MAPDA: variants seen among roughly 807,000 people sequenced by gnomAD.
MAPDA encodes N6,N6-dimethyl-AMP deaminase.
At chr15:43,343,391 A>AC in the MAPDA span, among the ~76,000 whole-genome samples, 2 of 152,158 alleles carry the variant, frequency 1.3e-5, no homozygotes, top group African/African-American at 4.8e-5. Flanking sequence ...GCTCATCTAG[A>AC]CCACTCCTCC....
At chr15:43,347,700 CTA>C in the MAPDA span, among the ~76,000 whole-genome samples, 2 of 152,170 alleles carry the variant, frequency 1.3e-5, no homozygotes, top group East Asian at 3.8e-4. Context: ...GTACTTCTAG[CTA>C]TTTAATTATT....
chr15:43,336,540 T>G, the MAPDA span: 1,205 of 989,864 alleles, frequency 1.2e-3, no homozygotes, highest in Non-Finnish European at 1.6e-3. Flanking sequence ...AAATATATAT[T>G]TACTATTAGC....
At chr15:43,350,814 C>A in the MAPDA span, 1 of 767,918 alleles carries the variant, frequency 1.3e-6, no homozygotes, top group Non-Finnish European at 2.1e-6. Context: ...GAAAGGTCGA[C>A]TTTGTAAACT....
chr15:43,341,636 C>T, the MAPDA span, among the ~76,000 whole-genome samples: 1 of 147,656 alleles, frequency 6.8e-6, no homozygotes, highest in Non-Finnish European at 1.5e-5. Flanking sequence ...GCCAGAAGTT[C>T]GAGACCAGCC....
the MAPDA span, among the ~76,000 whole-genome samples, chr15:43,346,678 A>G: frequency 5.3e-5 from 8 of 152,322 alleles, no homozygotes; most frequent in East Asian, 9.6e-4. Context: ...TTGAGTAATC[A>G]TGAGAGTTCC....
chr15:43,330,413 G>A, the MAPDA span: 3 of 1,570,550 alleles, frequency 1.9e-6, no homozygotes, highest in South Asian at 1.2e-5. Context: ...CGCGGCCAGG[G>A]AACGCTTGCT....
At chr15:43,335,496 T>C in the MAPDA span, among the ~76,000 whole-genome samples, 5 of 152,244 alleles carry the variant, frequency 3.3e-5, no homozygotes, top group East Asian at 5.8e-4. Flanking sequence ...ATCGCACCAG[T>C]GTACTCCAGC....
chr15:43,336,394 T>A, the MAPDA span, among the ~76,000 whole-genome samples: 2 of 152,150 alleles, frequency 1.3e-5, no homozygotes, highest in Admixed American at 1.3e-4. Context: ...TTTCCCCATG[T>A]CAGGTGTGGG....
At chr15:43,336,666 A>G in the MAPDA span, 2 of 1,559,540 alleles carry the variant, frequency 1.3e-6, no homozygotes, top group South Asian at 1.3e-5. Flanking sequence ...GCTTACTAGT[A>G]GCCCTGAAGA....
At chr15:43,340,425 G>A in the MAPDA span, 8 of 1,306,462 alleles carry the variant, frequency 6.1e-6, no homozygotes, top group South Asian at 8.7e-5. Context: ...GTTTGTGAGT[G>A]GGAATATGAA....
chr15:43,330,504 C>T, the MAPDA span: 1 of 1,512,430 alleles, frequency 6.6e-7, no homozygotes, highest in South Asian at 1.3e-5. Flanking sequence ...AGAAGAGACT[C>T]AGGAATGGCA....
the MAPDA span, among the ~76,000 whole-genome samples, chr15:43,350,011 C>T: frequency 6.6e-6 from 1 of 152,118 alleles, no homozygotes; most frequent in Non-Finnish European, 1.5e-5. Context: ...AGGTATTTTA[C>T]TCTGGCTGGG....
the MAPDA span, chr15:43,332,128 G>A: frequency 6.6e-6 from 1 of 152,296 alleles, no homozygotes; most frequent in African/African-American, 2.4e-5. Context: ...CATAAGCTCA[G>A]GTGTGAGGTA....
At chr15:43,352,377 C>G in the MAPDA span, 1 of 153,360 alleles carries the variant, frequency 6.5e-6, no homozygotes, top group Non-Finnish European at 1.5e-5. Context: ...AATCAGACTC[C>G]CTTCACTCGC....
chr15:43,345,736 A>G, the MAPDA span: 42 of 1,252,210 alleles, frequency 3.4e-5, no homozygotes, highest in Non-Finnish European at 4.6e-5. Context: ...CAGTCAGGCT[A>G]TACTTTTCCT....
the MAPDA span, chr15:43,330,393 C>G: frequency 6.3e-7 from 1 of 1,583,944 alleles, no homozygotes; most frequent in Non-Finnish European, 8.5e-7. Context: ...GGGTCCTGCA[C>G]GTACCCGCGC....
At chr15:43,352,430 A>T in the MAPDA span, 1 of 152,458 alleles carries the variant, frequency 6.6e-6, no homozygotes, top group African/African-American at 2.4e-5. Flanking sequence ...GTGATGGCTC[A>T]TGCCTGTAAT....
At chr15:43,330,598 G>C in the MAPDA span, 13 of 1,284,410 alleles carry the variant, frequency 1.0e-5, 1 homozygote, top group Non-Finnish European at 1.3e-5. Context: ...CATGCTCCTG[G>C]ACTTCCCCTT....
At chr15:43,335,762 C>G in the MAPDA span, 1 of 1,613,668 alleles carries the variant, frequency 6.2e-7, no homozygotes, top group Non-Finnish European at 8.5e-7. Context: ...AGCCCAGAAG[C>G]CAGATCTTAA....
Sources: allele counts gnomAD v4.1 joint callset (sites outside exome capture counted in the v4.1 genomes callset), GRCh38; gene constraint gnomAD v4.1.1; transcripts MANE v1.5; gene names NCBI Gene and HGNC (gene_info 2026-07-23, HGNC 2026-07-21).